The following TMPRSS15 variants were observed in gnomAD, a reference collection of about 807,000 sequenced individuals.
The protein encoded by TMPRSS15 is enteropeptidase.
A neutral mutation model predicts 125.3 loss-of-function variants in TMPRSS15; 128 were observed. That is an observed-to-expected ratio of 1.02 (90% confidence interval 0.89 to 1.18). TMPRSS15 has a LOEUF of 1.18. Among genes scored for constraint, TMPRSS15 ranks in the 50% most tolerant of loss-of-function variants. TMPRSS15 has a pLI of 0.00. For synonymous variants in TMPRSS15, 446 were observed against 423.2 expected, an observed-to-expected ratio of 1.05 and a Z score of -0.66; for missense variants, 1,283 against 1,212.7, an observed-to-expected ratio of 1.06 and a Z score of -0.86.
intron 10 of TMPRSS15, among the ~76,000 whole-genome samples, chr21:18,351,215 C>T (rs1030597858): frequency 6.6e-6 from 1 of 152,060 alleles, no homozygotes; most frequent in African/African-American, 2.4e-5. Context: ...AATTGCAATG[C>T]CAATTTGCTT....
chr21:18,444,021 C>T (rs1292062465), intron 1 of TMPRSS15, among the ~76,000 whole-genome samples: 1 of 152,136 alleles, frequency 6.6e-6, no homozygotes. Flanking sequence ...GCAGGCACAG[C>T]CTCCTCTTAT....
In TMPRSS15 at chr21:18,279,480, C is replaced by G. The variant is rs1201718458; in HGVS notation, c.2669-421G>C. Among the ~76,000 whole-genome samples, 3 of 150,874 alleles carry G rather than the reference C, an allele frequency of 2.0e-5. No individual in the cohort carries two copies. The East Asian group carries it at 5.8e-4, about 29-fold the overall frequency. Reference sequence around the variant, plus strand: ...AGCTGGGACTACAGGCGCCCGCCACCACGCCTGGCTAATTTTTTTGTATTT... The same window carrying G: ...AGCTGGGACTACAGGCGCCCGCCACGACGCCTGGCTAATTTTTTTGTATTT... On this transcript the variant is annotated intron_variant, in intron 22 of 24. Transcript: ENST00000284885.
chr21:18,340,052 G>C (rs1341294019), intron 13 of TMPRSS15, among the ~76,000 whole-genome samples: 1 of 152,174 alleles, frequency 6.6e-6, no homozygotes, highest in Non-Finnish European at 1.5e-5. Context: ...TACTGTGATA[G>C]TTAATATTGA....
At chr21:18,313,437 T>C (rs1351297768) in intron 17 of TMPRSS15, among the ~76,000 whole-genome samples, 1 of 150,874 alleles carries the variant, frequency 6.6e-6, no homozygotes, top group Non-Finnish European at 1.5e-5. Context: ...ATATATATTA[T>C]ATATAATAAC....
At chr21:18,284,980 G>A (rs754401231) in intron 21 of TMPRSS15, among the ~76,000 whole-genome samples, 8 of 147,944 alleles carry the variant, frequency 5.4e-5, no homozygotes, top group South Asian at 2.2e-4. Context: ...CAGCCTGGGT[G>A]ACAAGAGCAA....
chr21:18,389,236 G>T (rs1198469601), intron 3 of TMPRSS15, among the ~76,000 whole-genome samples: 1 of 151,680 alleles, frequency 6.6e-6, no homozygotes, highest in East Asian at 1.9e-4. Flanking sequence ...GAGGGAGGCA[G>T]GGAGGGAAGG....
At chr21:18,406,743 G>T (rs1339398839), upstream of TMPRSS15, among the ~76,000 whole-genome samples, 1 of 152,100 alleles carries the variant, frequency 6.6e-6, no homozygotes, top group Non-Finnish European at 1.5e-5. Flanking sequence ...TTAATATCTA[G>T]AAAAACTAAA....
intron 18 of TMPRSS15, among the ~76,000 whole-genome samples, chr21:18,306,980 G>T (rs944005174): frequency 6.6e-6 from 1 of 152,130 alleles, no homozygotes; most frequent in Admixed American, 6.5e-5. Flanking sequence ...GAGGGGAATT[G>T]CATTTTGTAC....
intron 16 of TMPRSS15, among the ~76,000 whole-genome samples, chr21:18,320,921 T>C (rs1418818098): frequency 6.6e-6 from 1 of 152,180 alleles, no homozygotes; most frequent in Admixed American, 6.5e-5. Flanking sequence ...TTGCTAAGAA[T>C]TGAATTTCCC....
chr21:18,408,258 AGATTAAAGCCAT>A (rs2076157527), upstream of TMPRSS15, among the ~76,000 whole-genome samples: 1 of 152,210 alleles, frequency 6.6e-6, no homozygotes, highest in Non-Finnish European at 1.5e-5. Context: ...GAGTTCCTAA[AGATTAAAGCCAT>A]GAACACTTCT....
intron 7 of TMPRSS15, among the ~76,000 whole-genome samples, chr21:18,360,071 T>TCTGTATCA (rs768204492): frequency 4.6e-5 from 7 of 152,056 alleles, no homozygotes; most frequent in Non-Finnish European, 1.0e-4. Flanking sequence ...GGACTGAAAC[T>TCTGTATCA]CTGTATCACT....
Position 18,372,098 on chromosome 21 carries a change from ATGTGTGTGTGTG to A in TMPRSS15, c.664+83_664+94del, listed in dbSNP as rs56932398. On this transcript the variant is annotated intron_variant, in intron 6 of 24. Transcript: ENST00000284885. ...GTAGTTTCAGGTATTTGAGATTAGA[ATGTGTGTGTGTG>A]TGTGTGTGTGTGTGTGTGTGTGTGT... 644 of 538,762 alleles carry A rather than the reference ATGTGTGTGTGTG, an allele frequency of 1.2e-3. 3 individuals are homozygous for A. The highest frequency in any genetic ancestry group is 9.2e-3 in the African/African-American group (445 of 48,204). The allele number at this position is 538,762 out of a possible 1,614,324, so 33.4% of individuals were successfully genotyped here.
At chr21:18,474,244 C>A (rs1320388877) in intron 1 of TMPRSS15, among the ~76,000 whole-genome samples, 2 of 151,716 alleles carry the variant, frequency 1.3e-5, no homozygotes. Context: ...CAGAGAGATA[C>A]ATATAGGTAG....
intron 1 of TMPRSS15, among the ~76,000 whole-genome samples, chr21:18,409,455 A>C (rs890601451): frequency 1.3e-5 from 2 of 152,014 alleles, no homozygotes; most frequent in African/African-American, 4.8e-5. Context: ...GTTAGGGTCC[A>C]ATTTTCCTTA....
intron 3 of TMPRSS15, among the ~76,000 whole-genome samples, chr21:18,390,907 G>A (rs761902965): frequency 6.6e-6 from 1 of 152,148 alleles, no homozygotes; most frequent in Admixed American, 6.5e-5. Context: ...AATCAGGTTG[G>A]AAGCCTAAGG....
chr21:18,348,296 C>G (rs2075530548), intron 10 of TMPRSS15, among the ~76,000 whole-genome samples: 1 of 152,014 alleles, frequency 6.6e-6, no homozygotes, highest in African/African-American at 2.4e-5. Flanking sequence ...TCACTTTTTC[C>G]TGCTTATCTC....
chr21:18,273,491 CT>C (rs2074585550), intron 24 of TMPRSS15, among the ~76,000 whole-genome samples: 1 of 152,144 alleles, frequency 6.6e-6, no homozygotes, highest in Non-Finnish European at 1.5e-5. Flanking sequence ...TGGGAGACTT[CT>C]TGCTTACCAA....
intron 21 of TMPRSS15, among the ~76,000 whole-genome samples, chr21:18,293,351 G>A (rs1245460491): frequency 1.3e-5 from 2 of 152,074 alleles, no homozygotes; most frequent in Non-Finnish European, 2.9e-5. Flanking sequence ...TTTCTAACAT[G>A]GTTCTTTCCT....
chr21:18,291,902 T>G (rs1354721867), intron 21 of TMPRSS15, among the ~76,000 whole-genome samples: 1 of 152,154 alleles, frequency 6.6e-6, no homozygotes, highest in Non-Finnish European at 1.5e-5. Context: ...TATGTGATTG[T>G]GTGAGAGAAG....
Sources: allele counts gnomAD v4.1 joint callset (sites outside exome capture counted in the v4.1 genomes callset), GRCh38; gene constraint gnomAD v4.1.1; transcripts MANE v1.5; gene names NCBI Gene and HGNC (gene_info 2026-07-23, HGNC 2026-07-21).